Variants in RGS7 observed in about 807,000 individuals in gnomAD.
The protein encoded by RGS7 is regulator of G-protein signaling 7.
In RGS7, 27 loss-of-function variants were observed where a neutral mutation model predicts 81.1. The ratio of observed to expected loss-of-function variants is 0.33; its 90% CI spans 0.25 to 0.46. The LOEUF is 0.46. Among genes scored for constraint, RGS7 ranks in the 20% least tolerant of loss-of-function variants. The pLI, the probability that RGS7 is intolerant of heterozygous loss-of-function variation, is 1.00. For missense variants in RGS7, 396 were observed against 607.4 expected (o/e 0.65, Z 3.66); for synonymous variants, 208 against 207.7 (o/e 1.00, Z -0.01).
intron 2 of RGS7, among the ~76,000 whole-genome samples, chr1:241,108,697 C>T (rs1452425112): frequency 6.6e-6 from 1 of 152,084 alleles, no homozygotes; most frequent in Admixed American, 6.6e-5. Context: ...TAAGATTAAG[C>T]TGATCCTAGA....
chr1:241,171,411 A>G (rs1572978917), intron 2 of RGS7, among the ~76,000 whole-genome samples: 1 of 152,284 alleles, frequency 6.6e-6, no homozygotes, highest in East Asian at 1.9e-4. Context: ...AACCTTAGTC[A>G]TGTAAGTCAC....
intron 2 of RGS7, among the ~76,000 whole-genome samples, chr1:241,287,578 G>T (rs2078885036): frequency 6.6e-6 from 1 of 152,092 alleles, no homozygotes; most frequent in Non-Finnish European, 1.5e-5. Context: ...GTCTTTATTA[G>T]CAGTGTGAAA....
intron 4 of RGS7, among the ~76,000 whole-genome samples, chr1:240,960,893 T>C (rs1212612737): frequency 6.6e-6 from 1 of 152,194 alleles, no homozygotes. Context: ...TGAACTTTAG[T>C]CTGATTACAA....
intron 2 of RGS7, among the ~76,000 whole-genome samples, chr1:241,302,549 AAAAC>A (rs898972958): frequency 5.3e-5 from 8 of 152,160 alleles, no homozygotes; most frequent in South Asian, 2.1e-4. Context: ...ACTCTGTCTC[AAAAC>A]AAACAAACAA....
chr1:240,983,099 T>C lies in RGS7; in HGVS notation c.206A>G (p.Asn69Ser). 1 of 1,546,346 alleles carries C rather than the reference T, an allele frequency of 6.5e-7. No individual in the cohort carries two copies. Among genetic ancestry groups the C allele is most frequent in the South Asian group, 1.1e-5 (1 of 88,556 alleles). The change falls in exon 4 of 19, where the codon AAC becomes AGC. Residue 69 changes from asparagine (N) to serine (S), a missense_variant. Transcript: ENST00000440928. ...GSDIVQWLIK[N>S]LTIEDPVEAL... ...TTTACCTGGATCTTCTATAGTTAAG[T>C]TCTTTATCAACCATTGAACAATGTC... is the stretch of plus-strand genomic sequence containing the variant.
At chr1:241,008,129 CAAACAAACA>C (rs947537103) in intron 3 of RGS7, among the ~76,000 whole-genome samples, 3 of 151,788 alleles carry the variant, frequency 2.0e-5, no homozygotes, top group African/African-American at 7.3e-5. Flanking sequence ...GACAAACAAA[CAAACAAACA>C]AAACAAACAA....
Position 241,091,766 on chromosome 1 carries a change from A to G in RGS7, c.175+6900T>C, listed in dbSNP as rs547809567. ...GCCAGATGTGTTGGTGCATGCCTGTAGTCCCAGCTACTTGGGAGGCTAAGG... is the reference window on the plus strand; with the variant it reads ...GCCAGATGTGTTGGTGCATGCCTGTGGTCCCAGCTACTTGGGAGGCTAAGG... On this transcript the variant is annotated intron_variant, in intron 3 of 18. Transcript: ENST00000440928. Among the ~76,000 whole-genome samples the G allele has an allele frequency of 9.8e-4, 149 of 152,110 alleles. 1 individual carries two copies. In the South Asian group the frequency reaches 0.013, roughly 13 times the overall value.
intron 2 of RGS7, among the ~76,000 whole-genome samples, chr1:241,129,814 C>T (rs1455104223): frequency 6.6e-6 from 1 of 152,132 alleles, no homozygotes; most frequent in Non-Finnish European, 1.5e-5. Flanking sequence ...CTTCTACAAA[C>T]CCCCTGCACT....
In RGS7 at chr1:240,786,549, T is replaced by C. The variant is rs151026205; in HGVS notation, c.*7-10336A>G. Among the ~76,000 whole-genome samples the C allele has an allele frequency of 7.4e-3, 1,126 of 152,302 alleles. 23 individuals are homozygous for C. Among genetic ancestry groups the C allele is most frequent in the South Asian group, 0.024 (115 of 4,830 alleles). Reference sequence around the variant, plus strand: ...AGGGAATGTATTGTTATTTCAGTTCTATGTACATATAAACACACACAAATA... The same window carrying C: ...AGGGAATGTATTGTTATTTCAGTTCCATGTACATATAAACACACACAAATA... On this transcript the variant is annotated intron_variant, in intron 18 of 18. Transcript: ENST00000440928.
At chr1:240,852,139 A>C (rs1406165362) in intron 9 of RGS7, among the ~76,000 whole-genome samples, 3 of 152,182 alleles carry the variant, frequency 2.0e-5, no homozygotes, top group African/African-American at 7.2e-5. Context: ...TTGATGTGGC[A>C]AACTTTATTG....
chr1:240,978,104 G>A (rs1203003876), intron 4 of RGS7, among the ~76,000 whole-genome samples: 1 of 152,112 alleles, frequency 6.6e-6, no homozygotes, highest in Non-Finnish European at 1.5e-5. Flanking sequence ...TAACCAGAAT[G>A]CCAACTCCAG....
chr1:241,112,044 C>T (rs1356901909), intron 2 of RGS7, among the ~76,000 whole-genome samples: 1 of 152,000 alleles, frequency 6.6e-6, no homozygotes, highest in Non-Finnish European at 1.5e-5. Context: ...CAATAGATGC[C>T]TCAGGTCATT....
rs146774713 is a variant in RGS7, at chr1:241,151,104, C to T, written c.79-52342G>A. ...AACATCAGGGTGGATCTTCCCCACTCAGTCCACTGGCGCACATGCTAGTCT... is the reference window on the plus strand; with the variant it reads ...AACATCAGGGTGGATCTTCCCCACTTAGTCCACTGGCGCACATGCTAGTCT... On this transcript the variant is annotated intron_variant, in intron 2 of 18. Coordinates refer to ENST00000440928, the MANE Select transcript of RGS7 (RefSeq NM_001364886.1). Among the ~76,000 whole-genome samples, 431 of 152,328 alleles carry T rather than the reference C, an allele frequency of 2.8e-3. 4 individuals are homozygous for T. The highest frequency in any genetic ancestry group is 9.9e-3 in the African/African-American group (413 of 41,574).
intron 18 of RGS7, among the ~76,000 whole-genome samples, chr1:240,777,066 G>A (rs113355718): frequency 0.022 from 3,280 of 152,252 alleles, 110 homozygotes; most frequent in African/African-American, 0.075. Context: ...AGGCTGAGGT[G>A]GGCAGATCAC....
At chr1:241,290,616 G>A (rs1558279237) in intron 2 of RGS7, among the ~76,000 whole-genome samples, 2 of 152,156 alleles carry the variant, frequency 1.3e-5, no homozygotes, top group East Asian at 1.9e-4. Context: ...TCAACTGCAC[G>A]TTAACTGAAC....
At chr1:240,933,048 A>T (rs981574579) in intron 5 of RGS7, among the ~76,000 whole-genome samples, 49 of 139,502 alleles carry the variant, frequency 3.5e-4, no homozygotes, top group African/African-American at 1.2e-3. Flanking sequence ...ACGCCCGGCT[A>T]ATTTTTTGTA....
chr1:240,802,253 A>C (rs1688140964), intron 16 of RGS7, among the ~76,000 whole-genome samples: 1 of 152,188 alleles, frequency 6.6e-6, no homozygotes, highest in Admixed American at 6.6e-5. Flanking sequence ...GTTTATGTCC[A>C]GATTTTCTCT....
chr1:240,802,507 G>A (rs1451633059), intron 16 of RGS7, among the ~76,000 whole-genome samples: 2 of 152,088 alleles, frequency 1.3e-5, no homozygotes, highest in Non-Finnish European at 2.9e-5. Context: ...CAGTTATGAG[G>A]CCTGTGGTTC....
intron 2 of RGS7, among the ~76,000 whole-genome samples, chr1:241,180,055 T>C (rs1021356993): frequency 1.6e-4 from 25 of 152,094 alleles, no homozygotes; most frequent in Non-Finnish European, 8.8e-5. Flanking sequence ...GAGATGGATA[T>C]GAATCTTCAG....
Sources: gnomAD v4.1 joint callset for allele counts (sites outside exome capture counted in the v4.1 genomes callset) on GRCh38, gnomAD v4.1.1 for gene constraint, MANE v1.5 for transcripts, NCBI Gene and HGNC (gene_info 2026-07-23, HGNC 2026-07-21) for gene names.